FRMPD4: variants seen among roughly 807,000 people sequenced by gnomAD.
The protein encoded by FRMPD4 is FERM and PDZ domain containing 4, also known as FERM and PDZ domain-containing protein 4.
In FRMPD4, 22 loss-of-function variants were observed where a neutral mutation model predicts 94.1. The ratio of observed to expected loss-of-function variants is 0.23; its 90% CI spans 0.17 to 0.33. The LOEUF is 0.33. Among genes scored for constraint, FRMPD4 ranks in the 10% least tolerant of loss-of-function variants. The pLI, the probability that FRMPD4 is intolerant of heterozygous loss-of-function variation, is 1.00. For synonymous variants in FRMPD4, 631 were observed against 548.6 expected, an observed-to-expected ratio of 1.15 and a Z score of -2.10; for missense variants, 1,111 against 1,339.9, an observed-to-expected ratio of 0.83 and a Z score of 2.67.
At chrX:12,473,117 G>C (rs1449314983) in intron 1 of FRMPD4, among the ~76,000 whole-genome samples, 1 of 103,607 alleles carries the variant, frequency 9.7e-6, no homozygotes, top group African/African-American at 3.7e-5. Flanking sequence ...CTGATCTCTC[G>C]GCAGAAACTC....
At chrX:11,871,464 A>G (rs999049886) in intron 2 of FRMPD4, among the ~76,000 whole-genome samples, 1 of 112,857 alleles carries the variant, frequency 8.9e-6, no homozygotes, top group Admixed American at 9.4e-5. Flanking sequence ...ATAAAAATAC[A>G]GGACTCTATT....
rs1217936398 is a variant in FRMPD4, at chrX:12,688,378, T to TGCAAGA, written c.682-1816_682-1811dup. 3.6e-5 allele frequency among the ~76,000 whole-genome samples: 4 copies of TGCAAGA among 112,238 alleles called. No individual in the cohort carries two copies. In the Admixed American group the frequency reaches 3.8e-4, roughly 11 times the overall value. ...TCCAGCCTCTTTATTACGGAACATA[T>TGCAAGA]GCAAGACTAAGTTTGATTTCCCTGA... On this transcript the variant is annotated intron_variant, in intron 7 of 16. Transcript: ENST00000675598.
At chrX:12,332,858 T>C (rs983605307) in intron 1 of FRMPD4, among the ~76,000 whole-genome samples, 1 of 112,217 alleles carries the variant, frequency 8.9e-6, no homozygotes, top group African/African-American at 3.2e-5. Context: ...TACTGCATCA[T>C]TAAGCAAGGT....
intron 11 of FRMPD4, 42 bp downstream of exon 11, chrX:12,704,527 G>T: frequency 1.1e-6 from 1 of 934,429 alleles, no homozygotes; most frequent in Non-Finnish European, 1.5e-6. Context: ...AAAGAGAGAG[G>T]CTTGAATGCA....
At chrX:12,638,780 A>G (rs1265892184) in intron 4 of FRMPD4, among the ~76,000 whole-genome samples, 1 of 111,364 alleles carries the variant, frequency 9.0e-6, no homozygotes, top group Non-Finnish European at 1.9e-5. Flanking sequence ...AATACCTATA[A>G]GGCAAGCAGC....
intron 1 of FRMPD4, among the ~76,000 whole-genome samples, chrX:12,347,113 G>C (rs1381927941): frequency 1.8e-5 from 2 of 111,897 alleles, no homozygotes; most frequent in African/African-American, 6.5e-5. Context: ...ATGCAGGCTA[G>C]ATAAATTTCA....
chrX:12,165,363 C>T (rs1427985839), intron 1 of FRMPD4, among the ~76,000 whole-genome samples: 38 of 111,707 alleles, frequency 3.4e-4, no homozygotes, highest in Non-Finnish European at 5.1e-4. Context: ...TAGTTGTAGA[C>T]ATGCGGCATT....
chrX:11,964,356 T>A (rs945742593), intron 3 of FRMPD4, among the ~76,000 whole-genome samples: 1 of 110,715 alleles, frequency 9.0e-6, no homozygotes, highest in Non-Finnish European at 1.9e-5. Flanking sequence ...GAGACAGGGT[T>A]TCACCGTGTT....
At chrX:12,050,024 T>A (rs1416149856) in intron 3 of FRMPD4, among the ~76,000 whole-genome samples, 1 of 111,959 alleles carries the variant, frequency 8.9e-6, no homozygotes, top group African/African-American at 3.2e-5. Flanking sequence ...CATTAAAAAA[T>A]TTAAAGTTTA....
At chrX:11,881,890 G>A (rs930053252) in intron 3 of FRMPD4, among the ~76,000 whole-genome samples, 3 of 111,773 alleles carry the variant, frequency 2.7e-5, no homozygotes, top group Admixed American at 9.5e-5. Context: ...TGAATGCAGC[G>A]ATTAAGACTA....
chrX:12,474,002 C>A (rs759127434), intron 1 of FRMPD4, among the ~76,000 whole-genome samples: 1 of 110,234 alleles, frequency 9.1e-6, no homozygotes, highest in East Asian at 2.8e-4. Flanking sequence ...CCCAAATCAA[C>A]AGAATATACA....
chrX:12,612,328 T>C (rs1332350465), intron 3 of FRMPD4, among the ~76,000 whole-genome samples: 1 of 111,915 alleles, frequency 8.9e-6, no homozygotes, highest in Non-Finnish European at 1.9e-5. Flanking sequence ...ATACCTACTC[T>C]TACACAATTT....
chrX:11,994,950 G>A (rs6640854), intron 3 of FRMPD4, among the ~76,000 whole-genome samples: 9,046 of 111,107 alleles, frequency 0.081, 335 homozygotes, highest in East Asian at 0.24. Flanking sequence ...TGTTATGTCT[G>A]CTCTGAAGTA....
chrX:12,185,009 G>A (rs1311683642), intron 1 of FRMPD4, among the ~76,000 whole-genome samples: 1 of 111,381 alleles, frequency 9.0e-6, no homozygotes. Context: ...TGGACTGTTT[G>A]TAACACAAAG....
chrX:11,947,969 A>G (rs912443346), intron 3 of FRMPD4, among the ~76,000 whole-genome samples: 1 of 108,244 alleles, frequency 9.2e-6, no homozygotes, highest in Admixed American at 1.0e-4. Flanking sequence ...GCATGCCTGT[A>G]ATCCCAGCTA....
At chrX:11,897,570 T>C (rs1482014894) in intron 3 of FRMPD4, among the ~76,000 whole-genome samples, 1 of 112,097 alleles carries the variant, frequency 8.9e-6, no homozygotes. Context: ...ACACAAAATA[T>C]TTTAAAAAGT....
chrX:11,841,382 G>A (rs867245076), intron 1 of FRMPD4, among the ~76,000 whole-genome samples: 36 of 109,348 alleles, frequency 3.3e-4, no homozygotes, highest in African/African-American at 5.3e-4. Context: ...AAGTGTTCCT[G>A]TTTCTCCACA....
chrX:12,257,574 T>G (rs1038213736), intron 1 of FRMPD4, among the ~76,000 whole-genome samples: 9 of 111,605 alleles, frequency 8.1e-5, no homozygotes, highest in African/African-American at 2.9e-4. Flanking sequence ...TAAACAAGAT[T>G]AGGCAAGAAA....
intron 4 of FRMPD4, among the ~76,000 whole-genome samples, chrX:12,659,165 T>A (rs1010602498): frequency 1.8e-5 from 2 of 111,999 alleles, no homozygotes; most frequent in African/African-American, 6.5e-5. Context: ...GTTCTTCCCC[T>A]TGACAGCTTC....
Sources: gnomAD v4.1 joint callset for allele counts (sites outside exome capture counted in the v4.1 genomes callset) on GRCh38, gnomAD v4.1.1 for gene constraint, MANE v1.5 for transcripts, NCBI Gene and HGNC (gene_info 2026-07-23, HGNC 2026-07-21) for gene names.